Variants in PRSS53 observed in about 807,000 individuals in gnomAD.
PRSS53 encodes the protein serine protease 53, also known as EDTP308.
A neutral mutation model predicts 62.7 loss-of-function variants in PRSS53; 54 were observed. That is an observed-to-expected ratio of 0.86 (90% confidence interval 0.69 to 1.08). The LOEUF (loss-of-function observed/expected upper bound fraction) is 1.08, where lower values mean the gene tolerates loss of function less well. Among genes scored for constraint, PRSS53 ranks in the 50% least tolerant of loss-of-function variants. PRSS53 has a pLI of 0.00. For synonymous variants in PRSS53, 273 were observed against 300.0 expected, an observed-to-expected ratio of 0.91 and a Z score of 0.93; for missense variants, 688 against 728.3, an observed-to-expected ratio of 0.94 and a Z score of 0.64.
At chr16:31,085,339 A>G in intron 6 of PRSS53, 79 bp from the exon 7 acceptor site, 1 of 1,430,402 alleles carries the variant, frequency 7.0e-7, no homozygotes, top group South Asian at 1.5e-5. Context: ...TAGCTTTTGA[A>G]ATTGAATTTT....
In PRSS53 at chr16:31,088,851, G is replaced by C. The variant is rs1251890103; in HGVS notation, c.-42C>G. The C allele has an allele frequency of 1.9e-6, 3 of 1,611,276 alleles. No individual in the cohort carries two copies. In the Admixed American group the frequency reaches 5.0e-5, roughly 27 times the overall value. On this transcript the variant is annotated 5_prime_UTR_variant, in exon 1 of 11. Coordinates refer to ENST00000280606, the Ensembl canonical transcript of PRSS53. ...CTGCCACCTGTGCTCCACTCTGAGA[G>C]AGGCCACCTGGGTCTCCCTGGCTCC... is the stretch of plus-strand genomic sequence containing the variant.
exon 3 of PRSS53, chr16:31,087,550 G>A: frequency 6.2e-7 from 1 of 1,613,042 alleles, no homozygotes; most frequent in Non-Finnish European, 8.5e-7. Flanking sequence ...TCAAAGCAGT[G>A]GGCAGCAGTG....
intron 1 of PRSS53, chr16:31,088,397 C>A: frequency 8.5e-7 from 1 of 1,174,334 alleles, no homozygotes; most frequent in African/African-American, 1.6e-5. Context: ...AGCCAGGCTG[C>A]CCAGAGGATG....
chr16:31,085,326 CAGT>C, intron 6 of PRSS53, 66 bp from the exon 7 acceptor site: 1 of 1,448,956 alleles, frequency 6.9e-7, no homozygotes, highest in South Asian at 1.5e-5. Flanking sequence ...CAAATCCTCA[CAGT>C]AGCTTTTGAA....
chr16:31,087,220 C>T, intron 3 of PRSS53: 1 of 533,174 alleles, frequency 1.9e-6, no homozygotes, highest in East Asian at 3.3e-5. Flanking sequence ...TAGTCTTGAA[C>T]TCTTGGGCTC....
At chr16:31,085,803 T>C (rs1176398805) in intron 6 of PRSS53, among the ~76,000 whole-genome samples, 161 bp downstream of exon 6, 1 of 152,164 alleles carries the variant, frequency 6.6e-6, no homozygotes, top group African/African-American at 2.4e-5. Context: ...AGTTCCAAAG[T>C]GCCTGTGCCT....
chr16:31,088,875 C>T lies in PRSS53; in HGVS notation c.-66G>A, dbSNP rs1326792834. 4.4e-6 allele frequency: 7 copies of T among 1,602,150 alleles called. No individual in the cohort carries two copies. In the East Asian group the frequency reaches 9.0e-5, roughly 21 times the overall value. On this transcript the variant is annotated 5_prime_UTR_variant, in exon 1 of 11. Coordinates refer to ENST00000280606, the Ensembl canonical transcript of PRSS53. ...AGAGGCCACCTGGGTCTCCCTGGCTCCACCTCTGCTCCACCTCCAGTTGGC... is the reference window on the plus strand; with the variant it reads ...AGAGGCCACCTGGGTCTCCCTGGCTTCACCTCTGCTCCACCTCCAGTTGGC...
In PRSS53 at chr16:31,084,930, G is replaced by A. The variant is rs774398454; in HGVS notation, c.1129C>T (p.Pro377Ser). The A allele has an allele frequency of 8.4e-6, 13 of 1,545,292 alleles. No homozygotes were observed. Among genetic ancestry groups the A allele is most frequent in the Non-Finnish European group, 1.0e-5 (12 of 1,143,922 alleles). ...AGGGCCATGTCGTAGCCCCCCTCAG[G>A]GTGGGTGTAGGCTCCATGCAGGATG... The change falls in exon 8 of 11, where the codon CCT (proline) becomes TCT (serine). Residue 377 changes from proline to serine, a missense_variant. Physicochemically the swap from Pro to Ser is moderately conservative, Grantham distance 74. Coordinates refer to ENST00000280606, the Ensembl canonical transcript of PRSS53.
intron 1 of PRSS53, chr16:31,088,146 C>T (rs2057253929): frequency 8.3e-6 from 11 of 1,326,048 alleles, no homozygotes; most frequent in South Asian, 1.6e-5. Flanking sequence ...GTCAGCCAGG[C>T]GGCCTGTGTG....
exon 5 of PRSS53, chr16:31,086,337 C>T: frequency 6.2e-7 from 1 of 1,609,384 alleles, no homozygotes; most frequent in South Asian, 1.1e-5. Context: ...CCTATCAGAC[C>T]TGACAGGGGC....
chr16:31,083,902 T>G (rs2057197695), intron 10 of PRSS53, 93 bp from the exon 11 acceptor site: 18 of 1,595,162 alleles, frequency 1.1e-5, no homozygotes, highest in East Asian at 2.3e-5. Context: ...GGGTCTGTCT[T>G]GGCCGCCATG....
Position 31,086,456 on chromosome 16 carries a change from T to TATCA in PRSS53, c.543_544insTGAT (p.Ile182Ter). 6.2e-7 allele frequency: 1 copy of TATCA among 1,613,988 alleles called. No individual in the cohort carries two copies. The highest frequency in any genetic ancestry group is 1.1e-5 in the South Asian group (1 of 91,080). On this transcript the variant is annotated stop_gained and frameshift_variant, in exon 5 of 11. Transcript: ENST00000280606. LOFTEE classifies it high-confidence loss of function. ...ATACAGTTACATGTGGGGCGACTGA[T>TATCA]GAGACGCAGGCGCAGATTGCGTAGG...
rs759089621 is a variant in PRSS53 at position 31,087,670 on chromosome 16, T to TG, written c.108dup (p.Lys37GlnfsTer44). ...GGGACTGTGTTGCCCTCCTGAGGCTTGGGGGGGCCGGGGCCACGCTGTCCA... is the reference window on the plus strand; with the variant it reads ...GGGACTGTGTTGCCCTCCTGAGGCTTGGGGGGGGCCGGGGCCACGCTGTCCA... On this transcript the variant is annotated frameshift_variant, in exon 3 of 11. Coordinates refer to ENST00000280606, the Ensembl canonical transcript of PRSS53. LOFTEE classifies it high-confidence loss of function. The TG allele has an allele frequency of 1.1e-5, 17 of 1,611,676 alleles. No individual in the cohort carries two copies. Among genetic ancestry groups the TG allele is most frequent in the Middle Eastern group, 1.6e-4 (1 of 6,078 alleles).
chr16:31,088,808 A>G (rs1471260500), exon 1 of PRSS53: 3 of 1,613,618 alleles, frequency 1.9e-6, no homozygotes, highest in African/African-American at 1.3e-5. Context: ...GCACCACTTC[A>G]TGCTGCCCCG....
intron 1 of PRSS53, chr16:31,088,399 C>T (rs2057256685): frequency 1.7e-6 from 2 of 1,177,820 alleles, no homozygotes; most frequent in Non-Finnish European, 2.1e-6. Flanking sequence ...CCAGGCTGCC[C>T]AGAGGATGGA....
In PRSS53 at chr16:31,088,659, G is replaced by T. The variant is rs181691182; in HGVS notation, c.58+93C>A. On this transcript the variant is annotated intron_variant, in intron 1 of 10. Transcript: ENST00000280606. ...CACTGGTGGACTGTCGCCCACAGGC[G>T]GTCCCCCCACCAAGAAGCAGGGACT... 5.0e-6 allele frequency: 8 copies of T among 1,592,532 alleles called. No homozygotes were observed. In the Admixed American group the frequency reaches 1.4e-4, roughly 27 times the overall value.
intron 1 of PRSS53, 184 bp downstream of exon 1, chr16:31,088,568 A>C: frequency 1.4e-6 from 2 of 1,434,464 alleles, no homozygotes; most frequent in Non-Finnish European, 1.8e-6. Context: ...GCCCGAGAAA[A>C]TCTCATCCAT....
intron 3 of PRSS53, 42 bp from the exon 4 acceptor site, chr16:31,086,940 G>A: frequency 6.5e-7 from 1 of 1,536,068 alleles, no homozygotes; most frequent in Non-Finnish European, 8.8e-7. Flanking sequence ...GAGTGCAAGG[G>A]TAGACAGTGA....
At chr16:31,088,113 C>CT in intron 1 of PRSS53, 1 of 1,368,566 alleles carries the variant, frequency 7.3e-7, no homozygotes, top group Non-Finnish European at 9.5e-7. Flanking sequence ...TTCAGAACCC[C>CT]CAACTCCTGC....
Sources: allele counts gnomAD v4.1 joint callset (sites outside exome capture counted in the v4.1 genomes callset), GRCh38; gene constraint gnomAD v4.1.1; transcripts MANE v1.5; gene names NCBI Gene and HGNC (gene_info 2026-07-23, HGNC 2026-07-21).